Variants in RAD51B observed in about 807,000 individuals in gnomAD.
RAD51B encodes the protein DNA repair protein RAD51 homolog 2.
A neutral mutation model predicts 42.2 loss-of-function variants in RAD51B; 38 were observed. The ratio of observed to expected loss-of-function variants is 0.90; its 90% CI spans 0.70 to 1.18. RAD51B has a LOEUF of 1.18. Ranked by LOEUF, RAD51B falls within the 50% of genes most tolerant of loss-of-function variation. The pLI, the probability that RAD51B is intolerant of heterozygous loss-of-function variation, is 0.00. For synonymous variants in RAD51B, 154 were observed against 145.2 expected, an observed-to-expected ratio of 1.06 and a Z score of -0.43; for missense variants, 373 against 400.7, an observed-to-expected ratio of 0.93 and a Z score of 0.59.
At chr14:67,900,195 A>G (rs906073103) in intron 7 of RAD51B, among the ~76,000 whole-genome samples, 5 of 152,230 alleles carry the variant, frequency 3.3e-5, no homozygotes, top group African/African-American at 9.6e-5. Context: ...TTTCACAAAC[A>G]TGCAAATCAC....
chr14:68,101,312 A>C (rs2077285185), intron 7 of RAD51B, among the ~76,000 whole-genome samples: 1 of 152,168 alleles, frequency 6.6e-6, no homozygotes, highest in African/African-American at 2.4e-5. Context: ...GCCATTCCAA[A>C]AGTCTGGCAA....
intron 7 of RAD51B, among the ~76,000 whole-genome samples, chr14:67,906,381 T>C (rs1259001877): frequency 6.6e-6 from 1 of 152,096 alleles, no homozygotes; most frequent in East Asian, 1.9e-4. Flanking sequence ...CTGCCAAGTA[T>C]TGGTATCAGC....
chr14:68,147,109 G>T (rs1196382796), intron 7 of RAD51B, among the ~76,000 whole-genome samples: 1 of 152,138 alleles, frequency 6.6e-6, no homozygotes, highest in Non-Finnish European at 1.5e-5. Flanking sequence ...TCCACTTGAG[G>T]CATAACAGCC....
intron 7 of RAD51B, among the ~76,000 whole-genome samples, chr14:68,121,042 A>G (rs1013726045): frequency 3.9e-5 from 6 of 152,178 alleles, no homozygotes; most frequent in African/African-American, 1.4e-4. Flanking sequence ...TAAAGTAAAA[A>G]TTAATATGGA....
intron 10 of RAD51B, among the ~76,000 whole-genome samples, chr14:68,604,236 C>T (rs1269298322): frequency 6.6e-6 from 1 of 152,184 alleles, no homozygotes; most frequent in Non-Finnish European, 1.5e-5. Context: ...CCGGCCCACT[C>T]CCAGGCTGAA....
At chr14:68,587,041 G>A (rs1890520898) in intron 10 of RAD51B, among the ~76,000 whole-genome samples, 1 of 151,178 alleles carries the variant, frequency 6.6e-6, no homozygotes. Context: ...AAAAAAAATT[G>A]GCTCCTTCCA....
intron 7 of RAD51B, among the ~76,000 whole-genome samples, chr14:68,056,725 G>C (rs963675624): frequency 2.0e-5 from 3 of 151,284 alleles, no homozygotes; most frequent in African/African-American, 7.3e-5. Context: ...TCCAGCCTTG[G>C]CGACAGACCA....
At chr14:67,845,295 A>G (rs970022781) in intron 4 of RAD51B, among the ~76,000 whole-genome samples, 9 of 152,180 alleles carry the variant, frequency 5.9e-5, no homozygotes, top group African/African-American at 2.2e-4. Context: ...AGGCAGGTCT[A>G]ATGGTAACAA....
Position 68,010,301 on chromosome 14 carries a change from G to A in RAD51B, c.756+123097G>A, listed in dbSNP as rs569050736. Among the ~76,000 whole-genome samples, 19 of 151,856 alleles carry A rather than the reference G, an allele frequency of 1.3e-4. No individual in the cohort carries two copies. In the East Asian group the frequency reaches 3.7e-3, roughly 29 times the overall value. ...CTATGAGATTAAAATGATTTTTAAA[G>A]TACAGAGAAAAATAAGAAATAACTT... On this transcript the variant is annotated intron_variant, in intron 7 of 10. Coordinates refer to ENST00000471583, the MANE Select transcript of RAD51B (RefSeq NM_133510.4).
chr14:68,331,377 A>AAAAAAAAAAAAAAAAAAAAAAAAAC (rs2082347240), intron 8 of RAD51B, among the ~76,000 whole-genome samples: 1 of 147,720 alleles, frequency 6.8e-6, no homozygotes, highest in African/African-American at 2.5e-5. Context: ...CAAAAAAAAA[A>AAAAAAAAAAAAAAAAAAAAAAAAAC]AAAAAAAAGC....
At chr14:67,935,435 G>T (rs1315539224) in intron 7 of RAD51B, among the ~76,000 whole-genome samples, 2 of 152,080 alleles carry the variant, frequency 1.3e-5, no homozygotes, top group Non-Finnish European at 2.9e-5. Context: ...CTCGATTATA[G>T]CTCACTGCAG....
At position 68,425,326 on chromosome 14, in the gene RAD51B, C is replaced by A. The variant is rs114003519; in HGVS notation, c.957+13799C>A. 7.5e-3 allele frequency among the ~76,000 whole-genome samples: 1,137 copies of A among 152,336 alleles called. 7 individuals are homozygous for A. The highest frequency in any genetic ancestry group is 0.026 in the African/African-American group (1,076 of 41,560). On this transcript the variant is annotated intron_variant, in intron 9 of 10. Coordinates refer to ENST00000471583, the MANE Select transcript of RAD51B (RefSeq NM_133510.4). ...TTGAATGTGTCTCCAAAACAGCATA[C>A]TTAAGTAGTAGTTTACTTAATGGCC...
At chr14:68,117,675 T>C (rs528069604) in intron 7 of RAD51B, among the ~76,000 whole-genome samples, 72 of 152,340 alleles carry the variant, frequency 4.7e-4, no homozygotes, top group African/African-American at 1.7e-3. Flanking sequence ...TGACAAATTA[T>C]TGCATTCAAT....
chr14:68,502,101 C>G (rs1382606058), intron 10 of RAD51B, among the ~76,000 whole-genome samples: 1 of 152,220 alleles, frequency 6.6e-6, no homozygotes, highest in Non-Finnish European at 1.5e-5. Flanking sequence ...AATGTGCTTC[C>G]TCAACCAGAA....
chr14:68,480,435 G>T (rs955940466), downstream of RAD51B, among the ~76,000 whole-genome samples: 1 of 152,328 alleles, frequency 6.6e-6, no homozygotes, highest in Non-Finnish European at 1.5e-5. Flanking sequence ...GTTCATGCAA[G>T]ATATTACTTT....
At chr14:68,536,229 A>G (rs1239997185) in intron 10 of RAD51B, among the ~76,000 whole-genome samples, 1 of 152,152 alleles carries the variant, frequency 6.6e-6, no homozygotes. Context: ...AAAACCTCCT[A>G]ATTGCCAGCA....
chr14:68,479,671 T>C (rs1453409873), downstream of RAD51B, among the ~76,000 whole-genome samples: 3 of 115,344 alleles, frequency 2.6e-5, no homozygotes, highest in Non-Finnish European at 4.9e-5. Flanking sequence ...ATTCTTCTTT[T>C]TTTTTTTTTT....
intron 7 of RAD51B, among the ~76,000 whole-genome samples, chr14:68,166,726 C>T (rs2078761797): frequency 6.6e-6 from 1 of 152,088 alleles, no homozygotes; most frequent in South Asian, 2.1e-4. Flanking sequence ...TTTTCCTGAT[C>T]CCCAGACTTA....
intron 8 of RAD51B, among the ~76,000 whole-genome samples, chr14:68,313,869 G>A (rs1428091508): frequency 1.3e-5 from 2 of 152,180 alleles, no homozygotes; most frequent in East Asian, 3.8e-4. Flanking sequence ...TCACTACCAG[G>A]ATTCTTAGTG....
Sources: allele counts gnomAD v4.1 joint callset (sites outside exome capture counted in the v4.1 genomes callset), GRCh38; gene constraint gnomAD v4.1.1; transcripts MANE v1.5; gene names NCBI Gene and HGNC (gene_info 2026-07-23, HGNC 2026-07-21).